The following AFAP1 variants were observed in gnomAD, a reference collection of about 807,000 sequenced individuals.
The protein encoded by AFAP1 is actin filament-associated protein 1.
Under a neutral mutation model 93.9 loss-of-function variants are expected in AFAP1, and 75 were observed. That is an observed-to-expected ratio of 0.80 (90% CI 0.66 to 0.97). The LOEUF is 0.97. AFAP1 is among the 50% of genes least tolerant of loss of function. The probability of loss-of-function intolerance (pLI) is 0.00; values close to 1 mark genes in which losing one functional copy is unlikely to be tolerated. For synonymous variants in AFAP1, 517 were observed against 430.7 expected, an observed-to-expected ratio of 1.20 and a Z score of -2.48; for missense variants, 1,201 against 1,050.8, an observed-to-expected ratio of 1.14 and a Z score of -1.98.
At chr4:7,832,563 G>T (rs774963392) in intron 6 of AFAP1, among the ~76,000 whole-genome samples, 2 of 151,766 alleles carry the variant, frequency 1.3e-5, no homozygotes, top group Non-Finnish European at 1.5e-5. Flanking sequence ...TGCCGGCAAC[G>T]ATGGACTAGG....
At chr4:7,827,420 A>C (rs1186397744) in intron 6 of AFAP1, among the ~76,000 whole-genome samples, 6 of 151,374 alleles carry the variant, frequency 4.0e-5, no homozygotes, top group African/African-American at 1.5e-4. Flanking sequence ...AAAAATACAA[A>C]ATTAGCTGCA....
chr4:7,895,742 A>C (rs1232800164), intron 1 of AFAP1, among the ~76,000 whole-genome samples: 1 of 152,178 alleles, frequency 6.6e-6, no homozygotes, highest in Non-Finnish European at 1.5e-5. Flanking sequence ...GCCATCCAAA[A>C]ATATCAGCGG....
rs750261193 is a variant in AFAP1 at position 7,809,773 on chromosome 4, G to C, written c.905-10C>G. The C allele has an allele frequency of 6.2e-7, 1 of 1,602,612 alleles. No homozygotes were observed. Among genetic ancestry groups the C allele is most frequent in the East Asian group, 2.2e-5 (1 of 44,752 alleles). On this transcript the variant is annotated splice_polypyrimidine_tract_variant and intron_variant, in intron 8 of 17. Coordinates refer to ENST00000420658, the MANE Select transcript of AFAP1 (RefSeq NM_001134647.2). ...CTTTTCTTCCTCTTCACTGTCAAGA[G>C]TAACAACAGCAAAAAAGCATGTTTT...
At chr4:7,906,201 C>G (rs1719392210) in intron 1 of AFAP1, among the ~76,000 whole-genome samples, 2 of 152,180 alleles carry the variant, frequency 1.3e-5, no homozygotes, top group South Asian at 2.1e-4. Flanking sequence ...AGCCTCTACT[C>G]CCAGCTCTGC....
At chr4:7,764,275 T>A (rs1714233205) in intron 17 of AFAP1, among the ~76,000 whole-genome samples, 1 of 152,178 alleles carries the variant, frequency 6.6e-6, no homozygotes, top group Non-Finnish European at 1.5e-5. Flanking sequence ...GTGCAGTGGC[T>A]CACGCCTGGA....
intron 3 of AFAP1, among the ~76,000 whole-genome samples, chr4:7,856,195 G>A (rs777290976): frequency 2.6e-4 from 40 of 152,152 alleles, no homozygotes; most frequent in African/African-American, 9.4e-4. Context: ...AAACAAAGTA[G>A]AAATTATTCT....
At chr4:7,825,994 T>C (rs1721384925) in intron 6 of AFAP1, among the ~76,000 whole-genome samples, 1 of 150,342 alleles carries the variant, frequency 6.7e-6, no homozygotes, top group Non-Finnish European at 1.5e-5. Context: ...TGAACCGTTC[T>C]GAGCAATGAA....
intron 1 of AFAP1, among the ~76,000 whole-genome samples, chr4:7,888,877 G>A (rs112362004): frequency 2.2e-4 from 34 of 151,722 alleles, no homozygotes; most frequent in Middle Eastern, 3.2e-3. Flanking sequence ...TGCAACCTCC[G>A]CCTCCCAAGT....
intron 16 of AFAP1, among the ~76,000 whole-genome samples, chr4:7,771,878 G>A (rs930786389): frequency 7.9e-5 from 12 of 152,160 alleles, no homozygotes; most frequent in African/African-American, 2.9e-4. Flanking sequence ...GGATGGGAGA[G>A]GCTTGGAGGA....
chr4:7,767,945 G>A (rs1003681705), intron 17 of AFAP1, among the ~76,000 whole-genome samples: 11 of 152,194 alleles, frequency 7.2e-5, no homozygotes, highest in Non-Finnish European at 1.6e-4. Flanking sequence ...GCATAATGGT[G>A]TACACCTGCA....
At chr4:7,817,245 G>T (rs1309872607) in intron 7 of AFAP1, among the ~76,000 whole-genome samples, 1 of 152,166 alleles carries the variant, frequency 6.6e-6, no homozygotes, top group Non-Finnish European at 1.5e-5. Context: ...TCAGGTAATA[G>T]GCAGAGAATC....
At chr4:7,921,121 T>C (rs1422731841) in intron 1 of AFAP1, among the ~76,000 whole-genome samples, 1 of 151,154 alleles carries the variant, frequency 6.6e-6, no homozygotes, top group African/African-American at 2.4e-5. Context: ...TGAGACCAGG[T>C]AGATGACCTA....
intron 6 of AFAP1, 99 bp from the exon 7 acceptor site, chr4:7,819,270 G>A: frequency 9.5e-7 from 1 of 1,057,076 alleles, no homozygotes; most frequent in Non-Finnish European, 1.3e-6. Flanking sequence ...GGCGTGGTAG[G>A]GAAATTCATG....
rs766723644 is a variant in AFAP1 at position 7,786,330 on chromosome 4, G to A, written c.1413-19C>T. Reference sequence around the variant, plus strand: ...CATGAAACTGAAAGAAAGGAAATGCGTTAAAATCCATAACCTGACCACCTT... The same window carrying A: ...CATGAAACTGAAAGAAAGGAAATGCATTAAAATCCATAACCTGACCACCTT... On this transcript the variant is annotated intron_variant, in intron 11 of 17. Transcript: ENST00000420658. 1.9e-6 allele frequency: 3 copies of A among 1,595,822 alleles called. No homozygotes were observed. The highest frequency in any genetic ancestry group is 1.7e-6 in the Non-Finnish European group (2 of 1,163,426).
chr4:7,905,724 C>T (rs1484340728), intron 1 of AFAP1, among the ~76,000 whole-genome samples: 2 of 152,164 alleles, frequency 1.3e-5, no homozygotes, highest in Non-Finnish European at 2.9e-5. Flanking sequence ...CACAGATGAC[C>T]GCAGCACAGT....
intron 1 of AFAP1, among the ~76,000 whole-genome samples, chr4:7,914,503 C>G (rs991725486): frequency 6.6e-6 from 1 of 152,154 alleles, no homozygotes; most frequent in African/African-American, 2.4e-5. Flanking sequence ...GAATAGTACT[C>G]CACTGTGTAT....
intron 4 of AFAP1, 93 bp downstream of exon 4, chr4:7,855,373 C>T (rs897215431): frequency 3.3e-5 from 32 of 976,686 alleles, no homozygotes; most frequent in Admixed American, 2.6e-4. Context: ...TTTTATAATA[C>T]CCTGTTGCCC....
intron 1 of AFAP1, among the ~76,000 whole-genome samples, chr4:7,891,440 T>A (rs537418300): frequency 3.3e-5 from 5 of 151,952 alleles, no homozygotes; most frequent in Non-Finnish European, 5.9e-5. Context: ...CAGGAAACAC[T>A]ATATATTCTA....
chr4:7,781,659 T>C (rs937959778), intron 12 of AFAP1, 32 bp from the exon 13 acceptor site: 15 of 1,547,672 alleles, frequency 9.7e-6, no homozygotes, highest in African/African-American at 6.9e-5. Context: ...GGTTAGTGAC[T>C]TGGACACAGG....
Sources: gnomAD v4.1 joint callset for allele counts (sites outside exome capture counted in the v4.1 genomes callset) on GRCh38, gnomAD v4.1.1 for gene constraint, MANE v1.5 for transcripts, NCBI Gene and HGNC (gene_info 2026-07-23, HGNC 2026-07-21) for gene names.